The following ZNF804B variants were observed in gnomAD, a reference collection of about 807,000 sequenced individuals.
ZNF804B encodes zinc finger 804B.
A neutral mutation model predicts 101.4 loss-of-function variants in ZNF804B; 80 were observed. The observed-to-expected ratio is 0.79, with a 90% CI of 0.66 to 0.95. The LOEUF (loss-of-function observed/expected upper bound fraction) is 0.95, where lower values mean the gene tolerates loss of function less well. Ranked by LOEUF, ZNF804B falls within the 40% of genes least tolerant of loss-of-function variation. ZNF804B has a pLI of 0.00. For missense variants in ZNF804B, 1,673 were observed against 1,561.9 expected, an observed-to-expected ratio of 1.07 and a Z score of -1.20; for synonymous variants, 622 against 558.8, an observed-to-expected ratio of 1.11 and a Z score of -1.59.
chr7:89,057,006 C>G (rs768853163), intron 1 of ZNF804B, among the ~76,000 whole-genome samples: 1 of 152,022 alleles, frequency 6.6e-6, no homozygotes, highest in Non-Finnish European at 1.5e-5. Flanking sequence ...AGTCATGGGA[C>G]AGGGAGAGGA....
intron 1 of ZNF804B, among the ~76,000 whole-genome samples, chr7:89,097,084 G>A (rs1362408458): frequency 6.6e-6 from 1 of 152,104 alleles, no homozygotes; most frequent in Non-Finnish European, 1.5e-5. Flanking sequence ...CTGTATTCAG[G>A]TTCATGTTGA....
At chr7:89,321,712 T>C (rs953807644) in intron 2 of ZNF804B, among the ~76,000 whole-genome samples, 1 of 151,590 alleles carries the variant, frequency 6.6e-6, no homozygotes, top group East Asian at 1.9e-4. Flanking sequence ...AATACAAACA[T>C]TGAAATAATT....
chr7:88,971,872 T>C (rs1193789201), intron 1 of ZNF804B, among the ~76,000 whole-genome samples: 1 of 151,544 alleles, frequency 6.6e-6, no homozygotes, highest in Non-Finnish European at 1.5e-5. Flanking sequence ...ATAGATACTC[T>C]AGGGACCTGG....
At position 89,115,924 on chromosome 7, in the gene ZNF804B, T is replaced by G. The variant is rs577910192; in HGVS notation, c.109-102231T>G. ...TTTTTGTTTTTTTTTTTCTTTTTTT[T>G]GACAAGAGTCTCACTCCAGTTGCCC... is the stretch of plus-strand genomic sequence containing the variant. On this transcript the variant is annotated intron_variant, in intron 1 of 3. Coordinates refer to ENST00000333190, the MANE Select transcript of ZNF804B (RefSeq NM_181646.5). 3.1e-4 allele frequency among the ~76,000 whole-genome samples: 47 copies of G among 151,892 alleles called. 2 individuals are homozygous for G. In the East Asian group the frequency reaches 9.1e-3, roughly 29 times the overall value.
rs147620052 is a variant in ZNF804B, at chr7:89,147,083, G to GTATATATATATATATATATATATA, written c.109-71053_109-71052insATATATATATATATATATATATAT. Among the ~76,000 whole-genome samples the GTATATATATATATATATATATATA allele has an allele frequency of 9.7e-4, 136 of 140,086 alleles. 1 individual carries two copies. The highest frequency in any genetic ancestry group is 2.9e-3 in the African/African-American group (110 of 37,956). The allele number at this position is 140,086 out of a possible 152,430, so 91.9% of individuals were successfully genotyped here. On this transcript the variant is annotated intron_variant, in intron 1 of 3. Coordinates refer to ENST00000333190, the MANE Select transcript of ZNF804B (RefSeq NM_181646.5). ...TTGTATCAAAAAATAGGATAATCAG[G>GTATATATATATATATATATATATA]TATATATATATATATATATTTAATG...
intron 1 of ZNF804B, among the ~76,000 whole-genome samples, chr7:89,202,125 T>G (rs539595277): frequency 6.6e-6 from 1 of 152,210 alleles, no homozygotes; most frequent in East Asian, 1.9e-4. Flanking sequence ...CATCCAAGCA[T>G]TCATATCATA....
At chr7:89,151,087 T>C (rs186669498) in intron 1 of ZNF804B, among the ~76,000 whole-genome samples, 1 of 152,106 alleles carries the variant, frequency 6.6e-6, no homozygotes, top group Non-Finnish European at 1.5e-5. Context: ...AAAGAAAGTT[T>C]AGATGTAAGA....
At chr7:88,857,087 G>T (rs1229115013) in intron 1 of ZNF804B, among the ~76,000 whole-genome samples, 1 of 152,064 alleles carries the variant, frequency 6.6e-6, no homozygotes, top group Non-Finnish European at 1.5e-5. Flanking sequence ...CAACATACCA[G>T]AATCTCTGGG....
chr7:88,769,740 C>A (rs1004886133), intron 1 of ZNF804B, among the ~76,000 whole-genome samples: 6 of 152,100 alleles, frequency 3.9e-5, no homozygotes, highest in African/African-American at 1.4e-4. Flanking sequence ...TTTGAGATAG[C>A]AACATCCTGG....
chr7:88,955,517 C>A (rs1183796857), intron 1 of ZNF804B, among the ~76,000 whole-genome samples: 6 of 151,674 alleles, frequency 4.0e-5, no homozygotes, highest in Non-Finnish European at 8.9e-5. Context: ...CAAATCCCAA[C>A]TGGTTATGAT....
chr7:89,096,223 G>C (rs1346806967), intron 1 of ZNF804B, among the ~76,000 whole-genome samples: 3 of 151,708 alleles, frequency 2.0e-5, no homozygotes, highest in African/African-American at 7.3e-5. Flanking sequence ...GGTGTGACTA[G>C]ACAAGTTAAT....
intron 1 of ZNF804B, among the ~76,000 whole-genome samples, chr7:89,211,112 CA>C (rs1382822613): frequency 6.6e-6 from 1 of 152,162 alleles, no homozygotes; most frequent in African/African-American, 2.4e-5. Context: ...AGCTTTCATT[CA>C]TATGTTTATT....
intron 1 of ZNF804B, among the ~76,000 whole-genome samples, chr7:89,151,146 C>G (rs966219331): frequency 6.6e-6 from 1 of 152,006 alleles, no homozygotes; most frequent in Non-Finnish European, 1.5e-5. Flanking sequence ...TTAAAGGCAG[C>G]ATAATCAATT....
chr7:88,878,414 A>G (rs1791982935), intron 1 of ZNF804B, among the ~76,000 whole-genome samples: 1 of 152,126 alleles, frequency 6.6e-6, no homozygotes, highest in Non-Finnish European at 1.5e-5. Flanking sequence ...ATATGTCTTA[A>G]CAACTCAATT....
At chr7:89,236,508 C>A (rs80118779) in intron 2 of ZNF804B, among the ~76,000 whole-genome samples, 6,616 of 152,068 alleles carry the variant, frequency 0.044, 447 homozygotes, top group African/African-American at 0.15. Flanking sequence ...ATTCTCAAGG[C>A]AATTAAAATT....
rs1232124668 is a variant in ZNF804B at position 88,892,499 on chromosome 7, G to GT, written c.108+132421dup. Among the ~76,000 whole-genome samples the GT allele has an allele frequency of 2.6e-5, 4 of 152,024 alleles. No individual in the cohort carries two copies. In the South Asian group the frequency reaches 6.2e-4, roughly 24 times the overall value. On this transcript the variant is annotated intron_variant, in intron 1 of 3. Transcript: ENST00000333190. ...AAAGTCATTGTCATTTTAAGTGTCA[G>GT]TTTTTTGTATAGAGTATCTTTTCTC...
At chr7:88,928,625 C>G (rs1792840653) in intron 1 of ZNF804B, among the ~76,000 whole-genome samples, 4 of 152,054 alleles carry the variant, frequency 2.6e-5, no homozygotes, top group Admixed American at 2.6e-4. Context: ...GACAGAAATG[C>G]CTTTAGAGAA....
At chr7:88,775,373 A>C (rs1790126049) in intron 1 of ZNF804B, among the ~76,000 whole-genome samples, 1 of 152,204 alleles carries the variant, frequency 6.6e-6, no homozygotes, top group Non-Finnish European at 1.5e-5. Flanking sequence ...GGTGAGGAAC[A>C]ACCATGCAGG....
intron 1 of ZNF804B, among the ~76,000 whole-genome samples, chr7:88,931,392 G>T (rs2189750): frequency 2.0e-5 from 3 of 151,762 alleles, no homozygotes; most frequent in Non-Finnish European, 4.4e-5. Context: ...AATTCATGAA[G>T]GTCAGTTTAA....
Sources: allele counts gnomAD v4.1 joint callset (sites outside exome capture counted in the v4.1 genomes callset), GRCh38; gene constraint gnomAD v4.1.1; transcripts MANE v1.5; gene names NCBI Gene and HGNC (gene_info 2026-07-23, HGNC 2026-07-21).